Variants in CDH13 observed in about 807,000 individuals in gnomAD.
The protein encoded by CDH13 is cadherin 13.
Under a neutral mutation model 63.8 loss-of-function variants are expected in CDH13, and 24 were observed. The observed-to-expected ratio is 0.38, with a 90% CI of 0.27 to 0.53. The LOEUF (loss-of-function observed/expected upper bound fraction) is 0.53. Ranked by LOEUF, CDH13 falls within the 20% of genes least tolerant of loss-of-function variation. CDH13 has a pLI of 0.85. For missense variants in CDH13, 1,049 were observed against 903.1 expected (o/e 1.16, Z -2.07); for synonymous variants, 503 against 355.3 (o/e 1.42, Z -4.67).
intron 6 of CDH13, among the ~76,000 whole-genome samples, chr16:83,352,618 C>T (rs992302715): frequency 7.2e-5 from 11 of 152,312 alleles, no homozygotes; most frequent in Non-Finnish European, 1.5e-4. Flanking sequence ...CAGCCGGGTG[C>T]GGTGGCTCAC....
intron 1 of CDH13, among the ~76,000 whole-genome samples, chr16:82,678,342 A>C (rs1231529448): frequency 1.4e-5 from 2 of 143,614 alleles, no homozygotes; most frequent in Non-Finnish European, 3.0e-5. Context: ...TTTAGCTCTG[A>C]AAGCTCAATT....
intron 5 of CDH13, among the ~76,000 whole-genome samples, chr16:83,253,949 T>A (rs747051112): frequency 4.6e-5 from 7 of 152,174 alleles, no homozygotes; most frequent in Admixed American, 2.0e-4. Context: ...CCCAAACTCT[T>A]GCAGTCATAA....
intron 2 of CDH13, among the ~76,000 whole-genome samples, chr16:83,026,407 A>G (rs1915804272): frequency 6.6e-6 from 1 of 152,182 alleles, no homozygotes; most frequent in Non-Finnish European, 1.5e-5. Flanking sequence ...TCTCCTGTAA[A>G]ATATAATATG....
At chr16:83,475,368 G>A (rs2073575216) in intron 6 of CDH13, among the ~76,000 whole-genome samples, 1 of 152,234 alleles carries the variant, frequency 6.6e-6, no homozygotes, top group African/African-American at 2.4e-5. Context: ...GCAGCAGTCA[G>A]GAAGCTGCAT....
At chr16:82,708,020 CT>C (rs1427861303) in intron 1 of CDH13, among the ~76,000 whole-genome samples, 2 of 152,200 alleles carry the variant, frequency 1.3e-5, no homozygotes, top group Non-Finnish European at 2.9e-5. Context: ...ATCATTCCAT[CT>C]TTTTCCTTCC....
chr16:83,491,125 T>G (rs1353767218), intron 7 of CDH13, among the ~76,000 whole-genome samples: 2 of 152,226 alleles, frequency 1.3e-5, no homozygotes, highest in Non-Finnish European at 2.9e-5. Context: ...AAGCTTAGTC[T>G]TACCCTTGTG....
intron 2 of CDH13, among the ~76,000 whole-genome samples, chr16:82,973,269 G>T (rs184383978): frequency 6.6e-6 from 1 of 152,198 alleles, no homozygotes; most frequent in Non-Finnish European, 1.5e-5. Flanking sequence ...TGCTCAGACG[G>T]TCTGCATCCC....
intron 6 of CDH13, among the ~76,000 whole-genome samples, chr16:83,399,369 T>C (rs1362810483): frequency 6.6e-6 from 1 of 152,234 alleles, no homozygotes; most frequent in Non-Finnish European, 1.5e-5. Context: ...TGGAGCTAAT[T>C]CATAGAAATC....
At chr16:82,942,070 C>T (rs1417801730) in intron 2 of CDH13, among the ~76,000 whole-genome samples, 1 of 152,100 alleles carries the variant, frequency 6.6e-6, no homozygotes, top group Non-Finnish European at 1.5e-5. Context: ...TTTATTTTTC[C>T]TATCAGGCTT....
chr16:83,167,322 T>C (rs7184444), intron 4 of CDH13, among the ~76,000 whole-genome samples: 68,870 of 151,052 alleles, frequency 0.46, 17,687 homozygotes, highest in African/African-American at 0.69. Context: ...CATGGTGAAA[T>C]CCCGTCTCTA....
At chr16:83,718,214 G>A (rs766045654) in intron 10 of CDH13, among the ~76,000 whole-genome samples, 21 of 152,308 alleles carry the variant, frequency 1.4e-4, no homozygotes, top group Non-Finnish European at 2.4e-4. Context: ...ACCACTATGC[G>A]TACAGGAGCT....
At chr16:83,212,343 A>T (rs1176234387) in intron 4 of CDH13, among the ~76,000 whole-genome samples, 1 of 152,116 alleles carries the variant, frequency 6.6e-6, no homozygotes, top group African/African-American at 2.4e-5. Context: ...GGTGGTGGGT[A>T]ATTCAGAAGG....
At position 83,609,244 on chromosome 16, in the gene CDH13, T is replaced by C. The variant is rs532179954; in HGVS notation, c.1101+6650T>C. ...CTTTCTTAAGACATTATGAGATTTT[T>C]TTTTTAGCTCATCAGCTATCATATT... is the stretch of plus-strand genomic sequence containing the variant. On this transcript the variant is annotated intron_variant, in intron 8 of 13. Coordinates refer to ENST00000567109, the MANE Select transcript of CDH13 (RefSeq NM_001257.5). 4.4e-4 allele frequency among the ~76,000 whole-genome samples: 67 copies of C among 152,326 alleles called. 1 individual carries two copies. Among genetic ancestry groups the C allele is most frequent in the African/African-American group, 1.5e-3 (64 of 41,570 alleles).
chr16:82,900,124 C>T (rs1040331602), intron 2 of CDH13, among the ~76,000 whole-genome samples: 1 of 152,264 alleles, frequency 6.6e-6, no homozygotes, highest in South Asian at 2.1e-4. Flanking sequence ...ACCCAGTGTC[C>T]TTGCAGCTGC....
chr16:83,297,573 T>G (rs1169394331), intron 5 of CDH13, among the ~76,000 whole-genome samples: 1 of 152,112 alleles, frequency 6.6e-6, no homozygotes, highest in African/African-American at 2.4e-5. Flanking sequence ...TCTTTCATGT[T>G]GGGCTTGGGC....
chr16:82,744,939 C>T (rs1313937628), intron 1 of CDH13, among the ~76,000 whole-genome samples: 1 of 152,168 alleles, frequency 6.6e-6, no homozygotes, highest in Non-Finnish European at 1.5e-5. Flanking sequence ...TCTCACAACA[C>T]ACATAAATAG....
chr16:82,818,834 G>C (rs575992226), intron 1 of CDH13, among the ~76,000 whole-genome samples: 1 of 152,300 alleles, frequency 6.6e-6, no homozygotes, highest in Admixed American at 6.5e-5. Context: ...CAAACACCAA[G>C]TCTGCTGTTA....
intron 1 of CDH13, chr16:82,829,330 T>C (rs968951674): frequency 1.3e-5 from 2 of 152,180 alleles, no homozygotes; most frequent in Admixed American, 6.5e-5. Context: ...ACTAGGATGA[T>C]GGATGTGGAA....
intron 6 of CDH13, among the ~76,000 whole-genome samples, chr16:83,454,608 G>T (rs2072972212): frequency 6.6e-6 from 1 of 152,028 alleles, no homozygotes; most frequent in Non-Finnish European, 1.5e-5. Context: ...AATTTATTTG[G>T]CCATTTTCCT....
Sources: gnomAD v4.1 joint callset for allele counts (sites outside exome capture counted in the v4.1 genomes callset) on GRCh38, gnomAD v4.1.1 for gene constraint, MANE v1.5 for transcripts, NCBI Gene and HGNC (gene_info 2026-07-23, HGNC 2026-07-21) for gene names.